The following GRID1 variants were observed in gnomAD, a reference collection of about 807,000 sequenced individuals.
GRID1 encodes glutamate ionotropic receptor delta type subunit 1.
A neutral mutation model predicts 98.0 loss-of-function variants in GRID1; 28 were observed. The ratio of observed to expected loss-of-function variants is 0.29; its 90% confidence interval spans 0.21 to 0.39. GRID1 has a LOEUF of 0.39. GRID1 is among the 10% of genes least tolerant of loss of function. The pLI is 1.00. For synonymous variants in GRID1, 553 were observed against 538.5 expected (o/e 1.03, Z -0.37); for missense variants, 1,111 against 1,340.5 (o/e 0.83, Z 2.67).
intron 8 of GRID1, among the ~76,000 whole-genome samples, chr10:85,770,964 A>G (rs1159890056): frequency 6.6e-6 from 1 of 152,170 alleles, no homozygotes; most frequent in Non-Finnish European, 1.5e-5. Context: ...TTCAGGAAAT[A>G]CAGAGAACGC....
At chr10:86,214,720 T>C (rs1196595963) in intron 2 of GRID1, among the ~76,000 whole-genome samples, 2 of 151,580 alleles carry the variant, frequency 1.3e-5, no homozygotes, top group Non-Finnish European at 2.9e-5. Context: ...TACAGAAAAA[T>C]TTACTGGGCA....
chr10:85,939,154 C>T (rs950251096), intron 4 of GRID1, among the ~76,000 whole-genome samples: 5 of 152,242 alleles, frequency 3.3e-5, no homozygotes, highest in East Asian at 1.9e-4. Flanking sequence ...GGACTGCCTC[C>T]GGGGGACCCC....
chr10:86,299,883 C>G lies in GRID1; in HGVS notation c.235+64058G>C, dbSNP rs1156363159. Among the ~76,000 whole-genome samples, 3 of 152,336 alleles carry G rather than the reference C, an allele frequency of 2.0e-5. No homozygotes were observed. The East Asian group carries it at 5.8e-4, about 29-fold the overall frequency. On this transcript the variant is annotated intron_variant, in intron 2 of 15. Transcript: ENST00000327946. ...ACTGAAATTCGGCACTGCTGACAAT[C>G]TCCATGAGGCCTTTCCAATCCCCTG...
At chr10:86,249,287 C>T (rs1185492596) in intron 2 of GRID1, among the ~76,000 whole-genome samples, 1 of 152,198 alleles carries the variant, frequency 6.6e-6, no homozygotes, top group East Asian at 1.9e-4. Flanking sequence ...TCAGAGAGGG[C>T]TTGGCATTTG....
At chr10:85,984,894 A>C (rs1412984069) in intron 4 of GRID1, among the ~76,000 whole-genome samples, 1 of 152,086 alleles carries the variant, frequency 6.6e-6, no homozygotes, top group Non-Finnish European at 1.5e-5. Context: ...TAATTCAATT[A>C]GCCCTGATTA....
At chr10:85,658,408 C>G (rs1253237952) in intron 12 of GRID1, among the ~76,000 whole-genome samples, 2 of 152,172 alleles carry the variant, frequency 1.3e-5, no homozygotes, top group Non-Finnish European at 2.9e-5. Flanking sequence ...TTTCTACCCC[C>G]CTCATTTTAC....
chr10:85,703,117 G>T (rs1158689919), intron 12 of GRID1, among the ~76,000 whole-genome samples: 1 of 151,992 alleles, frequency 6.6e-6, no homozygotes, highest in Admixed American at 6.6e-5. Flanking sequence ...GAAGGCAATC[G>T]AGCAAATTCT....
intron 8 of GRID1, among the ~76,000 whole-genome samples, chr10:85,767,474 C>T (rs192743272): frequency 1.9e-4 from 29 of 152,148 alleles, no homozygotes; most frequent in Non-Finnish European, 3.4e-4. Flanking sequence ...AATATACAAG[C>T]AGCATGCTTA....
At chr10:86,246,213 C>T (rs2132045543) in intron 2 of GRID1, among the ~76,000 whole-genome samples, 1 of 152,324 alleles carries the variant, frequency 6.6e-6, no homozygotes, top group Non-Finnish European at 1.5e-5. Flanking sequence ...GCAAAGGATG[C>T]TCTCCCCTCA....
intron 4 of GRID1, among the ~76,000 whole-genome samples, chr10:85,968,343 C>T (rs1462749195): frequency 6.7e-6 from 1 of 149,854 alleles, no homozygotes; most frequent in African/African-American, 2.5e-5. Context: ...CCCAGCTACT[C>T]GGGAGGCTGA....
chr10:86,224,442 G>A (rs1417224899), intron 2 of GRID1, among the ~76,000 whole-genome samples: 1 of 152,146 alleles, frequency 6.6e-6, no homozygotes, highest in African/African-American at 2.4e-5. Context: ...GGAGTCCCAG[G>A]CATGAGGATG....
intron 4 of GRID1, among the ~76,000 whole-genome samples, chr10:86,039,835 G>C (rs938031648): frequency 1.3e-5 from 2 of 152,214 alleles, no homozygotes; most frequent in Non-Finnish European, 2.9e-5. Flanking sequence ...TCACTTGTAT[G>C]TATGCTTCTG....
chr10:85,707,599 T>C (rs1216676137), intron 12 of GRID1, among the ~76,000 whole-genome samples: 2 of 152,158 alleles, frequency 1.3e-5, no homozygotes, highest in African/African-American at 2.4e-5. Flanking sequence ...TTGACCCACC[T>C]ATCCCATTAC....
At chr10:86,355,441 C>T (rs1848521298) in intron 2 of GRID1, among the ~76,000 whole-genome samples, 1 of 152,228 alleles carries the variant, frequency 6.6e-6, no homozygotes, top group South Asian at 2.1e-4. Flanking sequence ...AAGATGGGGC[C>T]ATCAGGGCCA....
At chr10:86,201,133 A>G (rs1438920379) in intron 3 of GRID1, among the ~76,000 whole-genome samples, 1 of 152,248 alleles carries the variant, frequency 6.6e-6, no homozygotes, top group Non-Finnish European at 1.5e-5. Context: ...TCCTATCAGT[A>G]TTTTTGGTAA....
intron 2 of GRID1, among the ~76,000 whole-genome samples, chr10:86,335,763 G>A (rs1220597163): frequency 6.6e-6 from 1 of 152,226 alleles, no homozygotes; most frequent in Non-Finnish European, 1.5e-5. Context: ...CCCAGCCAAT[G>A]GCCATGGAGG....
chr10:85,671,864 C>T (rs1257289351), intron 12 of GRID1, among the ~76,000 whole-genome samples: 1 of 152,200 alleles, frequency 6.6e-6, no homozygotes, highest in Non-Finnish European at 1.5e-5. Flanking sequence ...TTTTAGTGGT[C>T]TGAATAGAAG....
At position 86,210,960 on chromosome 10, in the gene GRID1, C is replaced by T. The variant is rs145400146; in HGVS notation, c.236-4312G>A. The stretch of plus-strand genomic sequence containing the variant: ...CCAGGACTGGGACTGGCCACCTGGC[C>T]GGAGTCCGGGGCCTGCCCTGGTCAC... On this transcript the variant is annotated intron_variant, in intron 2 of 15. Coordinates refer to ENST00000327946, the MANE Select transcript of GRID1 (RefSeq NM_017551.3). 1.4e-3 allele frequency among the ~76,000 whole-genome samples: 218 copies of T among 152,342 alleles called. 1 individual carries two copies. In the South Asian group the frequency reaches 0.015, roughly 10 times the overall value.
chr10:86,112,546 G>A (rs1198546319), intron 4 of GRID1, among the ~76,000 whole-genome samples: 2 of 150,490 alleles, frequency 1.3e-5, no homozygotes, highest in Non-Finnish European at 2.9e-5. Context: ...ATGACAAACA[G>A]CAAGTGAAGG....
Sources: gnomAD v4.1 joint callset for allele counts (sites outside exome capture counted in the v4.1 genomes callset) on GRCh38, gnomAD v4.1.1 for gene constraint, MANE v1.5 for transcripts, NCBI Gene and HGNC (gene_info 2026-07-23, HGNC 2026-07-21) for gene names.